C16orf74: variants seen among roughly 807,000 people sequenced by gnomAD.
C16orf74 encodes the protein calcimembrin, also known as uncharacterized protein C16orf74.
Under a neutral mutation model 6.5 loss-of-function variants are expected in C16orf74, and 10 were observed. The observed-to-expected ratio is 1.54, with a 90% CI of 0.95 to 2.61. The LOEUF (loss-of-function observed/expected upper bound fraction) is 2.61. C16orf74 is among the 30% of genes most tolerant of loss of function. The pLI is 0.00. For missense variants in C16orf74, 141 were observed against 105.9 expected (o/e 1.33, Z -1.45); for synonymous variants, 60 against 42.5 (o/e 1.41, Z -1.60).
At chr16:85,736,942 G>A (rs1288973073) in intron 1 of C16orf74, among the ~76,000 whole-genome samples, 1 of 152,168 alleles carries the variant, frequency 6.6e-6, no homozygotes, top group Non-Finnish European at 1.5e-5. Context: ...TACTCAGGAG[G>A]CTGAGGCAGG....
rs2152057371 is a variant in C16orf74 at position 85,710,243 on chromosome 16, CT to C, written c.92del (p.Lys31SerfsTer18). On this transcript the variant is annotated frameshift_variant, in exon 3 of 4. Transcript: ENST00000284245. LOFTEE classifies it high-confidence loss of function. Reference sequence around the variant, plus strand: ...TGATGATGTCGGGCACGTCCAGGTGCTTGTCGTTCAGGACGGGGGCCTCGTC... The same window carrying C: ...TGATGATGTCGGGCACGTCCAGGTGCTGTCGTTCAGGACGGGGGCCTCGTC... ...SHDEAPVLNDKHLDVPDIIIT... is the reference protein window; with the variant it reads ...SHDEAPVLNDXHLDVPDIIIT... 1 of 1,500,200 alleles carries C rather than the reference CT, an allele frequency of 6.7e-7. No individual in the cohort carries two copies. The highest frequency in any genetic ancestry group is 1.4e-5 in the South Asian group (1 of 72,798). 92.9% of individuals were successfully genotyped at this position (1,500,200 alleles called of 1,614,324 possible). A position where few individuals can be genotyped will look rare whatever the true frequency, so the allele number is the denominator to read the frequency against.
intron 2 of C16orf74, among the ~76,000 whole-genome samples, chr16:85,720,417 G>A (rs1017954452): frequency 6.6e-6 from 1 of 152,114 alleles, no homozygotes; most frequent in African/African-American, 2.4e-5. Flanking sequence ...CTAGCACTGG[G>A]CGCTCTGGGA....
chr16:85,730,426 T>G (rs2054175816), intron 2 of C16orf74, among the ~76,000 whole-genome samples: 1 of 152,042 alleles, frequency 6.6e-6, no homozygotes, highest in African/African-American at 2.4e-5. Flanking sequence ...AAGCCTACTT[T>G]GGTTCTAGAG....
intron 2 of C16orf74, among the ~76,000 whole-genome samples, chr16:85,719,397 T>C (rs2152059723): frequency 6.6e-6 from 1 of 152,200 alleles, no homozygotes; most frequent in East Asian, 1.9e-4. Context: ...AAGCTATCAC[T>C]GGGAGGGGCC....
chr16:85,738,393 T>C (rs2054268058), intron 1 of C16orf74, among the ~76,000 whole-genome samples: 1 of 150,372 alleles, frequency 6.7e-6, no homozygotes, highest in Admixed American at 6.6e-5. Flanking sequence ...GGCGTGACCT[T>C]GGCTCACCAC....
chr16:85,713,153 C>G (rs2053986727), intron 2 of C16orf74, among the ~76,000 whole-genome samples: 2 of 152,188 alleles, frequency 1.3e-5, no homozygotes, highest in African/African-American at 4.8e-5. Flanking sequence ...TTCCAAGCCC[C>G]TCCCCTGGCT....
intron 2 of C16orf74, among the ~76,000 whole-genome samples, chr16:85,733,521 T>C (rs772778873): frequency 6.6e-6 from 1 of 152,238 alleles, no homozygotes; most frequent in Admixed American, 6.5e-5. Flanking sequence ...ACTAACCTTG[T>C]ACACTTCATG....
intron 2 of C16orf74, among the ~76,000 whole-genome samples, chr16:85,718,616 G>C (rs887314306): frequency 3.3e-5 from 5 of 152,214 alleles, no homozygotes; most frequent in Admixed American, 3.3e-4. Flanking sequence ...AGGTCCGGGT[G>C]GGCAGGCATG....
chr16:85,727,266 G>C lies in C16orf74; in HGVS notation c.28+7924C>G, dbSNP rs189953393. On this transcript the variant is annotated intron_variant, in intron 2 of 3. Transcript: ENST00000284245. ...GTTTTGGGTTGACCAGGGGCTAGAC[G>C]CAAGCCTCTGAAGGCAAATCAGAAA... is the stretch of plus-strand genomic sequence containing the variant. 1.8e-4 allele frequency among the ~76,000 whole-genome samples: 28 copies of C among 152,330 alleles called. No homozygotes were observed. In the South Asian group the frequency reaches 1.9e-3, roughly 10 times the overall value.
intron 1 of C16orf74, among the ~76,000 whole-genome samples, chr16:85,747,280 G>A (rs765787331): frequency 4.6e-5 from 7 of 152,086 alleles, no homozygotes; most frequent in Non-Finnish European, 7.3e-5. Context: ...GTGAAATCCT[G>A]TCTCCACAGA....
intron 1 of C16orf74, among the ~76,000 whole-genome samples, 196 bp downstream of exon 1, chr16:85,750,730 C>T (rs1327696327): frequency 6.6e-6 from 1 of 152,188 alleles, no homozygotes; most frequent in African/African-American, 2.4e-5. Flanking sequence ...TCCCAAAGCC[C>T]GTGTCTCCGC....
rs149422157 is a variant in C16orf74, at chr16:85,737,960, G to A, written c.-18-2725C>T. Among the ~76,000 whole-genome samples the A allele has an allele frequency of 8.2e-3, 933 of 114,070 alleles. 12 individuals are homozygous for A. Among genetic ancestry groups the A allele is most frequent in the African/African-American group, 0.027 (864 of 32,478 alleles). The allele number at this position is 114,070 out of a possible 152,430, so 74.8% of individuals were successfully genotyped here. A position where few individuals can be genotyped will look rare whatever the true frequency, so the allele number is the denominator to read the frequency against. On this transcript the variant is annotated intron_variant, in intron 1 of 3. Transcript: ENST00000284245. ...TTAAAACATTATGAATTTTTTTTGT[G>A]ATTTTTTTTTTTTTTTTTTTAGCTC...
At chr16:85,722,705 T>A (rs1465905174) in intron 2 of C16orf74, among the ~76,000 whole-genome samples, 2 of 152,198 alleles carry the variant, frequency 1.3e-5, no homozygotes, top group Non-Finnish European at 2.9e-5. Flanking sequence ...CCAGGCAACC[T>A]CAGCGAATCT....
rs369806900 is a variant in C16orf74 at position 85,725,001 on chromosome 16, G to A, written c.28+10189C>T. 6.6e-5 allele frequency among the ~76,000 whole-genome samples: 10 copies of A among 152,076 alleles called. No individual in the cohort carries two copies. The East Asian group carries it at 9.7e-4, about 15-fold the overall frequency. On this transcript the variant is annotated intron_variant, in intron 2 of 3. Transcript: ENST00000284245. ...GGAAATGGCGCTTCGTCTCCCACCT[G>A]CTGGCCTCCCTCCTTTCGGAGGATA...
chr16:85,741,329 T>A (rs1376721167), intron 1 of C16orf74, among the ~76,000 whole-genome samples: 1 of 152,106 alleles, frequency 6.6e-6, no homozygotes, highest in African/African-American at 2.4e-5. Flanking sequence ...ACTGACAGGT[T>A]TTCTCTGAAC....
intron 1 of C16orf74, among the ~76,000 whole-genome samples, chr16:85,740,303 C>G (rs2054290391): frequency 6.6e-6 from 1 of 150,390 alleles, no homozygotes; most frequent in African/African-American, 2.4e-5. Context: ...CCTTGTAATC[C>G]TAGCACTTTG....
intron 1 of C16orf74, among the ~76,000 whole-genome samples, chr16:85,750,389 A>C (rs762357599): frequency 4.2e-5 from 6 of 142,918 alleles, no homozygotes; most frequent in Non-Finnish European, 7.4e-5. Flanking sequence ...GCCAGCCAGG[A>C]GAAGGAGCGC....
intron 2 of C16orf74, among the ~76,000 whole-genome samples, chr16:85,716,015 G>C (rs386864): frequency 0.32 from 48,306 of 151,802 alleles, 8,013 homozygotes; most frequent in Middle Eastern, 0.42. Flanking sequence ...GCTGATGATC[G>C]GAGGCCCCCG....
chr16:85,717,605 G>A lies in C16orf74; in HGVS notation c.29-7298C>T, dbSNP rs545171297. On this transcript the variant is annotated intron_variant, in intron 2 of 3. Coordinates refer to ENST00000284245, the MANE Select transcript of C16orf74 (RefSeq NM_206967.3). ...TAGGGGGTCCTGAGCTGGGGGTGCC[G>A]TGCCGCCTCTCCGCTGAGACCACTA... Among the ~76,000 whole-genome samples, 26 of 152,288 alleles carry A rather than the reference G, an allele frequency of 1.7e-4. 1 individual carries two copies. In the South Asian group the frequency reaches 3.9e-3, roughly 23 times the overall value.
Sources: allele counts gnomAD v4.1 joint callset (sites outside exome capture counted in the v4.1 genomes callset), GRCh38; gene constraint gnomAD v4.1.1; transcripts MANE v1.5; gene names NCBI Gene and HGNC (gene_info 2026-07-23, HGNC 2026-07-21).